The following TAS2R1 variants were observed in gnomAD, a reference collection of about 807,000 sequenced individuals.
The protein encoded by TAS2R1 is taste 2 receptor member 1.
For missense variants in TAS2R1, 370 were observed against 353.4 expected (o/e 1.05, Z -0.38); for synonymous variants, 141 against 134.2 (o/e 1.05, Z -0.35).
At chr5:9,822,453 A>C in the TAS2R1 span, among the ~76,000 whole-genome samples, 1 of 149,598 alleles carries the variant, frequency 6.7e-6, no homozygotes, top group Non-Finnish European at 1.5e-5. Flanking sequence ...GGATTCAAGC[A>C]ATTCTCCTGC....
the TAS2R1 span, among the ~76,000 whole-genome samples, chr5:9,782,593 A>T: frequency 6.6e-6 from 1 of 151,974 alleles, no homozygotes; most frequent in Non-Finnish European, 1.5e-5. Context: ...TAGAACTCTG[A>T]CTCCAGCACT....
chr5:9,747,751 A>G, the TAS2R1 span, among the ~76,000 whole-genome samples: 1 of 152,050 alleles, frequency 6.6e-6, no homozygotes, highest in Non-Finnish European at 1.5e-5. Flanking sequence ...CAAGTGGGAC[A>G]CCTCTTTCAA....
chr5:9,800,051 C>A, the TAS2R1 span, among the ~76,000 whole-genome samples: 1 of 152,246 alleles, frequency 6.6e-6, no homozygotes, highest in East Asian at 1.9e-4. Context: ...TGGAGATGAA[C>A]CTTAAGCAGG....
the TAS2R1 span, among the ~76,000 whole-genome samples, chr5:9,840,863 T>A: frequency 0.13 from 1,209 of 9,200 alleles, 21 homozygotes; most frequent in African/African-American, 0.34. Context: ...ATTTATTTTT[T>A]TTTTTTTTTT....
chr5:9,727,989 CA>C, the TAS2R1 span, among the ~76,000 whole-genome samples: 2 of 152,128 alleles, frequency 1.3e-5, no homozygotes, highest in African/African-American at 4.8e-5. Flanking sequence ...AAATGGGGAA[CA>C]ATGGAGACAC....
the TAS2R1 span, among the ~76,000 whole-genome samples, chr5:9,781,038 T>G: frequency 6.6e-6 from 1 of 152,178 alleles, no homozygotes; most frequent in Non-Finnish European, 1.5e-5. Flanking sequence ...TCTTAATGCG[T>G]AATATATTTT....
At chr5:9,633,727 G>T (rs1281077509), upstream of TAS2R1, among the ~76,000 whole-genome samples, 44 of 151,590 alleles carry the variant, frequency 2.9e-4, no homozygotes, top group Non-Finnish European at 1.5e-5. Flanking sequence ...TTCATATGTT[G>T]TTGGCTATTT....
the TAS2R1 span, among the ~76,000 whole-genome samples, chr5:9,843,627 G>T: frequency 6.6e-6 from 1 of 152,208 alleles, no homozygotes. Flanking sequence ...CAGAGATGAA[G>T]GGTAAACCAC....
chr5:9,861,041 T>TTTTTTTTTTTTTTTTTTTTTTC, the TAS2R1 span, among the ~76,000 whole-genome samples: 1 of 149,218 alleles, frequency 6.7e-6, no homozygotes, highest in Non-Finnish European at 1.5e-5. Flanking sequence ...GATGAGGTTT[T>TTTTTTTTTTTTTTTTTTTTTTC]TTTTTTTTTT....
the TAS2R1 span, among the ~76,000 whole-genome samples, chr5:9,839,597 A>G: frequency 6.6e-6 from 1 of 152,226 alleles, no homozygotes; most frequent in Non-Finnish European, 1.5e-5. Context: ...TGAGGAATCC[A>G]ATAAGTACAA....
At chr5:9,704,311 T>A (rs116236881) in intron 1 of TAS2R1, among the ~76,000 whole-genome samples, 130 of 152,266 alleles carry the variant, frequency 8.5e-4, no homozygotes, top group African/African-American at 3.1e-3. Flanking sequence ...GTATCTTCTT[T>A]TTTTATTGAC....
rs530336824 is a variant in TAS2R1, at chr5:9,664,334, G to A, written c.-241-4753C>T. ...CAATTGCAAATGTAAATTTTTAATC[G>A]TGTTTCCTTTAGGTGCTGTGATGCA... is the stretch of plus-strand genomic sequence containing the variant. On this transcript the variant is annotated intron_variant, in intron 1 of 2. Coordinates refer to the TAS2R1 transcript ENST00000506620. 5.3e-5 allele frequency among the ~76,000 whole-genome samples: 8 copies of A among 152,214 alleles called. No homozygotes were observed. In the South Asian group the frequency reaches 8.3e-4, roughly 16 times the overall value.
At chr5:9,798,449 T>C in the TAS2R1 span, among the ~76,000 whole-genome samples, 1 of 152,234 alleles carries the variant, frequency 6.6e-6, no homozygotes, top group Admixed American at 6.5e-5. Context: ...GTTTTTCTGA[T>C]ATTTGGTAGG....
At chr5:9,863,264 ATTTTT>A in the TAS2R1 span, among the ~76,000 whole-genome samples, 1 of 126,540 alleles carries the variant, frequency 7.9e-6, no homozygotes, top group Non-Finnish European at 1.6e-5. Flanking sequence ...AGACCCAAAG[ATTTTT>A]TTTTTTTTTT....
At chr5:9,690,612 A>AG (rs998639647) in intron 1 of TAS2R1, among the ~76,000 whole-genome samples, 2 of 151,912 alleles carry the variant, frequency 1.3e-5, no homozygotes, top group East Asian at 1.9e-4. Flanking sequence ...TTTCTGTCAG[A>AG]GGGGGGGAAA....
chr5:9,884,346 C>T, the TAS2R1 span, among the ~76,000 whole-genome samples: 4 of 151,426 alleles, frequency 2.6e-5, no homozygotes, highest in African/African-American at 9.7e-5. Context: ...TGGTGGTGGG[C>T]GCCTGTAATC....
At chr5:9,709,201 A>G (rs1044052050) in intron 1 of TAS2R1, among the ~76,000 whole-genome samples, 21 of 152,012 alleles carry the variant, frequency 1.4e-4, no homozygotes, top group African/African-American at 5.1e-4. Flanking sequence ...AAAAAAAAAA[A>G]AAAGAAAAGA....
intron 2 of TAS2R1, among the ~76,000 whole-genome samples, chr5:9,636,651 C>T (rs1051012683): frequency 6.6e-6 from 1 of 152,002 alleles, no homozygotes; most frequent in Non-Finnish European, 1.5e-5. Flanking sequence ...TCCTGTTAGA[C>T]TATCCATTTA....
At chr5:9,707,807 G>A (rs930595807) in intron 1 of TAS2R1, among the ~76,000 whole-genome samples, 3 of 152,058 alleles carry the variant, frequency 2.0e-5, no homozygotes, top group East Asian at 1.9e-4. Context: ...GAGGTGGTGC[G>A]AAATAACTGA....
Sources: gnomAD v4.1 joint callset for allele counts (sites outside exome capture counted in the v4.1 genomes callset) on GRCh38, gnomAD v4.1.1 for gene constraint, MANE v1.5 for transcripts, NCBI Gene and HGNC (gene_info 2026-07-23, HGNC 2026-07-21) for gene names.